SPTBN4: variants seen among roughly 807,000 people sequenced by gnomAD.
The protein encoded by SPTBN4 is spectrin beta, non-erythrocytic 4, also known as spectrin beta chain, non-erythrocytic 4.
In SPTBN4, 96 loss-of-function variants were observed where a neutral mutation model predicts 277.8. That is an observed-to-expected ratio of 0.35 (90% CI 0.29 to 0.41). The LOEUF is 0.41. Ranked by LOEUF, SPTBN4 falls within the 10% of genes least tolerant of loss-of-function variation. The pLI, the probability that SPTBN4 is intolerant of heterozygous loss-of-function variation, is 1.00. For missense variants in SPTBN4, 3,006 were observed against 3,595.7 expected (o/e 0.84, Z 4.19); for synonymous variants, 1,481 against 1,580.3 (o/e 0.94, Z 1.49).
rs781542918 is a variant in SPTBN4, at chr19:40,532,710, G to C, written c.4034G>C (p.Arg1345Pro). 16 of 1,613,328 alleles carry C rather than the reference G, an allele frequency of 9.9e-6. No individual in the cohort carries two copies. Among genetic ancestry groups the C allele is most frequent in the Non-Finnish European group, 1.3e-5 (15 of 1,179,624 alleles). The change falls in exon 19 of 36, where the codon CGG (arginine) becomes CCG (proline). Residue 1345 changes from arginine to proline, a missense_variant. Arg to Pro is a moderately radical substitution (Grantham distance 103). Around this residue, in one of 5 missense-constraint regions of SPTBN4, gnomAD observed 1,759 missense variants for 2,061.5 expected, o/e 0.85. Coordinates refer to ENST00000598249, the MANE Select transcript of SPTBN4 (RefSeq NM_020971.3). ...CACAAGCTGCATAAGAGATGGCTCC[G>C]GCACCAGGCATTCATGGCCGAGCTG... is the stretch of plus-strand genomic sequence containing the variant. Reference protein sequence around the residue: ...DNHKLHKRWLRHQAFMAELAQ... With the variant: ...DNHKLHKRWLPHQAFMAELAQ...
chr19:40,502,448 G>T lies in SPTBN4; in HGVS notation c.1144G>T (p.Ala382Ser). 2 of 1,613,656 alleles carry T rather than the reference G, an allele frequency of 1.2e-6. No individual in the cohort carries two copies. The highest frequency in any genetic ancestry group is 1.7e-6 in the Non-Finnish European group (2 of 1,179,980). Residue 382 changes from alanine to serine, a missense_variant, in exon 10 of 36, where the codon GCC (alanine) becomes TCC (serine). By Grantham distance (99) the Ala-to-Ser change is moderately conservative (BLOSUM62 1). This residue lies in a region of SPTBN4 where 1,759 missense variants were observed against 2,061.5 expected (regional missense o/e 0.85). Coordinates refer to ENST00000598249, the MANE Select transcript of SPTBN4 (RefSeq NM_020971.3). The surrounding 1 kb of genome is among the most constrained non-coding windows in gnomAD (Gnocchi z 4.9). ...CTTCAGCATCCAGAGCAAACTGCGT[G>T]CCTGCAACCGTCGCCTCTTTGTGCC... ...LLFSIQSKLR[A>S]CNRRLFVPRE...
chr19:40,498,479 C>T (rs956973667), intron 7 of SPTBN4, among the ~76,000 whole-genome samples: 12 of 151,396 alleles, frequency 7.9e-5, no homozygotes, highest in Non-Finnish European at 1.5e-4. Flanking sequence ...GATCTCGGCT[C>T]ACTGCAAGCT....
chr19:40,481,442 G>A lies in SPTBN4; in HGVS notation c.170-6255G>A, dbSNP rs115457575. Among the ~76,000 whole-genome samples, 1,334 of 152,154 alleles carry A rather than the reference G, an allele frequency of 8.8e-3. 26 individuals carry two copies. Among genetic ancestry groups the A allele is most frequent in the African/African-American group, 0.03 (1,263 of 41,502 alleles). Reference sequence around the variant, plus strand: ...GCAGTGTACCAGAGATTCAGTTACTGTGCACCCCACCCTTGCGATGGTCAG... The same window carrying A: ...GCAGTGTACCAGAGATTCAGTTACTATGCACCCCACCCTTGCGATGGTCAG... On this transcript the variant is annotated intron_variant, in intron 2 of 35. Transcript: ENST00000598249.
chr19:40,535,578 C>T (rs2080725886), intron 20 of SPTBN4, among the ~76,000 whole-genome samples: 1 of 148,668 alleles, frequency 6.7e-6, no homozygotes, highest in Non-Finnish European at 1.5e-5. Context: ...AAAAAAAAGG[C>T]TAGTAAGAAA....
intron 33 of SPTBN4, 143 bp downstream of exon 33, chr19:40,570,871 GT>G: frequency 1.1e-6 from 1 of 907,766 alleles, no homozygotes; most frequent in Admixed American, 3.9e-5. Context: ...GAGCTGGGGG[GT>G]GGTGGTGGCT....
At chr19:40,574,473 T>C (rs1599830493) in intron 35 of SPTBN4, among the ~76,000 whole-genome samples, 1 of 151,884 alleles carries the variant, frequency 6.6e-6, no homozygotes, top group South Asian at 2.1e-4. Flanking sequence ...GCGACTCTCC[T>C]GCCTCAGCTA....
rs556851548 is a variant in SPTBN4 at position 40,544,173 on chromosome 19, G to A, written c.4360-5016G>A. Among the ~76,000 whole-genome samples, 8 of 128,394 alleles carry A rather than the reference G, an allele frequency of 6.2e-5. No homozygotes were observed. The South Asian group carries it at 7.2e-4, about 12-fold the overall frequency. The allele number at this position is 128,394 out of a possible 152,430, so 84.2% of individuals were successfully genotyped here. ...TTGTTTGTTGTTGAGACTGAGTTTCGCTCTTTTTGCCAAAGCCGGAGCGCA... is the reference window on the plus strand; with the variant it reads ...TTGTTTGTTGTTGAGACTGAGTTTCACTCTTTTTGCCAAAGCCGGAGCGCA... On this transcript the variant is annotated intron_variant, in intron 20 of 35. Transcript: ENST00000598249.
chr19:40,528,458 C>T (rs116557546), intron 17 of SPTBN4, among the ~76,000 whole-genome samples: 1,559 of 152,302 alleles, frequency 0.01, 15 homozygotes, highest in African/African-American at 0.025. Flanking sequence ...TCCAACTCTG[C>T]GGCCCCCTGG....
intron 26 of SPTBN4, among the ~76,000 whole-genome samples, chr19:40,559,425 A>G (rs892213544): frequency 6.6e-6 from 1 of 152,066 alleles, no homozygotes. Flanking sequence ...ACCTGGGAGG[A>G]TTGCTTGAGC....
At chr19:40,509,188 T>C (rs2080363835) in intron 13 of SPTBN4, among the ~76,000 whole-genome samples, 1 of 151,284 alleles carries the variant, frequency 6.6e-6, no homozygotes, top group South Asian at 2.1e-4. Context: ...TCCCAGAGTG[T>C]TGGGATTACA....
chr19:40,539,775 T>C (rs2080777969), intron 20 of SPTBN4, among the ~76,000 whole-genome samples: 1 of 151,946 alleles, frequency 6.6e-6, no homozygotes, highest in Non-Finnish European at 1.5e-5. Context: ...CCACCGCGCC[T>C]GGCTGTGCCT....
chr19:40,574,320 C>T (rs1473794220), intron 35 of SPTBN4, among the ~76,000 whole-genome samples: 1 of 151,488 alleles, frequency 6.6e-6, no homozygotes, highest in African/African-American at 2.4e-5. Flanking sequence ...ATAACTAACA[C>T]TTGTTATCTC....
Position 40,557,084 on chromosome 19 carries a change from T to C in SPTBN4, c.5351T>C (p.Leu1784Pro). ...SETGMAGRER[L>P]AAVNQMVDEL... ...ACAGGTATGGCAGGGCGGGAACGGC[T>C]GGCAGCTGTGAACCAGATGGTGGAT... Residue 1784 changes from leucine (L) to proline (P), a missense_variant, in exon 26 of 36, where the codon CTG becomes CCG. Leu to Pro is a moderately conservative substitution (Grantham distance 98, BLOSUM62 -3). This residue lies in a region of SPTBN4 where 425 missense variants were observed against 594.7 expected (regional missense o/e 0.71). Coordinates refer to ENST00000598249, the MANE Select transcript of SPTBN4 (RefSeq NM_020971.3). The C allele has an allele frequency of 6.4e-7, 1 of 1,566,278 alleles. No homozygotes were observed. Among genetic ancestry groups the C allele is most frequent in the Non-Finnish European group, 8.7e-7 (1 of 1,148,498 alleles).
chr19:40,522,182 A>G (rs1333474499), intron 16 of SPTBN4, among the ~76,000 whole-genome samples: 5 of 151,604 alleles, frequency 3.3e-5, no homozygotes, highest in Admixed American at 3.3e-4. Flanking sequence ...ACGTGCCACC[A>G]TGCCTGGTTA....
At chr19:40,528,077 G>A (rs8109143) in intron 17 of SPTBN4, among the ~76,000 whole-genome samples, 50,605 of 128,332 alleles carry the variant, frequency 0.39, 10,700 homozygotes, top group Non-Finnish European at 0.43. Context: ...AAAAAAAAAA[G>A]GACTCTAAGG....
At chr19:40,474,561 C>A (rs972183271) in intron 2 of SPTBN4, among the ~76,000 whole-genome samples, 4 of 151,758 alleles carry the variant, frequency 2.6e-5, no homozygotes, top group African/African-American at 9.7e-5. Flanking sequence ...TCCTGAATAG[C>A]TGGAACTACA....
intron 24 of SPTBN4, 22 bp from the exon 25 acceptor site, chr19:40,556,061 TG>T (rs2080975115): frequency 6.3e-7 from 1 of 1,599,672 alleles, no homozygotes; most frequent in Non-Finnish European, 8.5e-7. Flanking sequence ...GGTCCATCCC[TG>T]CCCCTCCATG....
intron 22 of SPTBN4, among the ~76,000 whole-genome samples, chr19:40,550,881 C>T (rs188714099): frequency 2.0e-5 from 3 of 152,272 alleles, no homozygotes; most frequent in Admixed American, 6.5e-5. Context: ...GATAAAAGGC[C>T]TCCAGTGGAT....
intron 2 of SPTBN4, among the ~76,000 whole-genome samples, chr19:40,486,722 C>A (rs1437612179): frequency 5.9e-5 from 9 of 151,662 alleles, no homozygotes; most frequent in Admixed American, 5.9e-4. Context: ...TAAGGCCGGG[C>A]GCAATGGCTC....
Sources: allele counts gnomAD v4.1 joint callset (sites outside exome capture counted in the v4.1 genomes callset), GRCh38; gene constraint gnomAD v4.1.1; regional missense constraint gnomAD v4.1.1; non-coding constraint Gnocchi (gnomAD v3.1); transcripts MANE v1.5; gene names NCBI Gene and HGNC (gene_info 2026-07-23, HGNC 2026-07-21).